Variants in CAST observed in about 807,000 individuals in gnomAD.
The protein encoded by CAST is calpastatin.
CAST carries 76 observed loss-of-function variants against 119.6 expected under a neutral mutation model. That is an observed-to-expected ratio of 0.64 (90% confidence interval 0.53 to 0.77). CAST has a LOEUF of 0.77. Ranked by LOEUF, CAST falls within the 30% of genes least tolerant of loss-of-function variation. CAST has a pLI of 0.00. For missense variants in CAST, 953 were observed against 946.5 expected (o/e 1.01, Z -0.09); for synonymous variants, 319 against 331.6 (o/e 0.96, Z 0.41).
At chr5:96,661,693 G>A (rs928804922), upstream of CAST, among the ~76,000 whole-genome samples, 2 of 152,180 alleles carry the variant, frequency 1.3e-5, no homozygotes, top group Admixed American at 6.5e-5. Flanking sequence ...TCTAGCTTCA[G>A]AAACAAAACT....
rs192868329 is a variant in CAST at position 96,754,994 on chromosome 5, A to G, written c.1710+253A>G. 1,680 of 264,048 alleles carry G rather than the reference A, an allele frequency of 6.4e-3. 10 individuals are homozygous for G. Among genetic ancestry groups the G allele is most frequent in the Non-Finnish European group, 0.01 (1,431 of 138,692 alleles). 16.4% of individuals were successfully genotyped at this position (264,048 alleles called of 1,614,324 possible). On this transcript the variant is annotated intron_variant, in intron 22 of 31. Transcript: ENST00000675179. The stretch of plus-strand genomic sequence containing the variant: ...CCTAATGTTTTCCTTTCTAACCCAC[A>G]GCTTGTTACAATACCAGAAATATTA...
the CAST span, among the ~76,000 whole-genome samples, chr5:96,457,597 C>T: frequency 6.6e-6 from 1 of 152,218 alleles, no homozygotes; most frequent in African/African-American, 2.4e-5. Context: ...AGTGCCTTCG[C>T]CCTTGCTCTT....
chr5:96,172,983 A>C, the CAST span, among the ~76,000 whole-genome samples: 1 of 152,246 alleles, frequency 6.6e-6, no homozygotes, highest in Non-Finnish European at 1.5e-5. Context: ...GCTCATGAGA[A>C]AATAAATGTT....
the CAST span, among the ~76,000 whole-genome samples, chr5:96,011,778 A>G: frequency 6.6e-6 from 1 of 152,210 alleles, no homozygotes; most frequent in African/African-American, 2.4e-5. Flanking sequence ...ATGAATTGTA[A>G]GTCATTTTTA....
chr5:96,270,840 T>G, the CAST span, among the ~76,000 whole-genome samples: 4 of 151,250 alleles, frequency 2.6e-5, no homozygotes, highest in Non-Finnish European at 5.9e-5. Context: ...AACCTGCACA[T>G]CCTGCACACA....
the CAST span, among the ~76,000 whole-genome samples, chr5:96,174,473 G>A: frequency 6.6e-6 from 1 of 152,190 alleles, no homozygotes; most frequent in East Asian, 1.9e-4. Flanking sequence ...TGCTTATGTG[G>A]GGAAGGAAAG....
At chr5:96,063,501 T>C in the CAST span, among the ~76,000 whole-genome samples, 1 of 152,158 alleles carries the variant, frequency 6.6e-6, no homozygotes, top group Non-Finnish European at 1.5e-5. Flanking sequence ...ATCCCAAGGA[T>C]ACTTTCCAAG....
the CAST span, among the ~76,000 whole-genome samples, chr5:96,110,636 G>A: frequency 2.0e-5 from 3 of 152,282 alleles, no homozygotes; most frequent in Admixed American, 1.3e-4. Flanking sequence ...CTGTGAGGAA[G>A]GAGCATTCTC....
At chr5:96,305,508 G>C in the CAST span, among the ~76,000 whole-genome samples, 3 of 152,208 alleles carry the variant, frequency 2.0e-5, no homozygotes, top group African/African-American at 7.2e-5. Context: ...GGAGTGGTGA[G>C]AGAGGGCATC....
chr5:96,420,907 G>C, the CAST span, among the ~76,000 whole-genome samples: 10 of 152,180 alleles, frequency 6.6e-5, no homozygotes, highest in Non-Finnish European at 1.2e-4. Flanking sequence ...TATACCAAGA[G>C]CTGTTAGATG....
the CAST span, among the ~76,000 whole-genome samples, chr5:96,242,367 G>A: frequency 6.6e-6 from 1 of 152,244 alleles, no homozygotes; most frequent in East Asian, 1.9e-4. Context: ...CTGGCCTCAA[G>A]TGATCTTCCC....
At chr5:95,990,881 GGT>G in the CAST span, among the ~76,000 whole-genome samples, 4 of 152,064 alleles carry the variant, frequency 2.6e-5, no homozygotes, top group Non-Finnish European at 5.9e-5. Flanking sequence ...TAGGATTACA[GGT>G]GTGAGCCACC....
chr5:95,983,651 T>C, the CAST span, among the ~76,000 whole-genome samples: 5 of 151,214 alleles, frequency 3.3e-5, no homozygotes, highest in East Asian at 9.7e-4. Flanking sequence ...CATAATCACA[T>C]GTTACTTTAA....
the CAST span, among the ~76,000 whole-genome samples, chr5:95,969,446 G>A: frequency 1.3e-4 from 20 of 152,118 alleles, no homozygotes; most frequent in South Asian, 8.3e-4. Context: ...GAAAGTAAGC[G>A]GGGAGACCAA....
chr5:96,650,990 C>T (rs1443993792), intron 1 of CAST, among the ~76,000 whole-genome samples: 1 of 152,104 alleles, frequency 6.6e-6, no homozygotes, highest in Non-Finnish European at 1.5e-5. Flanking sequence ...CTTCTTTCTG[C>T]TGTGCTCTCT....
the CAST span, among the ~76,000 whole-genome samples, chr5:96,077,430 C>G: frequency 6.6e-6 from 1 of 152,048 alleles, no homozygotes; most frequent in Non-Finnish European, 1.5e-5. Flanking sequence ...TAGGCAGATA[C>G]ACATTTTTCT....
At chr5:96,035,952 C>T in the CAST span, among the ~76,000 whole-genome samples, 3 of 151,910 alleles carry the variant, frequency 2.0e-5, no homozygotes, top group African/African-American at 4.8e-5. Flanking sequence ...GCTCTCTTTG[C>T]CTACTCTGCA....
At chr5:96,216,218 T>C in the CAST span, among the ~76,000 whole-genome samples, 1 of 152,204 alleles carries the variant, frequency 6.6e-6, no homozygotes. Flanking sequence ...CAGTAAAGCT[T>C]CTGGTCAATA....
At chr5:96,050,779 G>A in the CAST span, among the ~76,000 whole-genome samples, 1 of 152,158 alleles carries the variant, frequency 6.6e-6, no homozygotes, top group African/African-American at 2.4e-5. Context: ...ATTGAGGAAG[G>A]GGATAGCAGA....
Sources: allele counts gnomAD v4.1 joint callset (sites outside exome capture counted in the v4.1 genomes callset), GRCh38; gene constraint gnomAD v4.1.1; transcripts MANE v1.5; gene names NCBI Gene and HGNC (gene_info 2026-07-23, HGNC 2026-07-21).